Variants in RNFT1 observed in about 807,000 individuals in gnomAD.
RNFT1 encodes the protein E3 ubiquitin-protein ligase RNFT1.
In RNFT1, 35 loss-of-function variants were observed where a neutral mutation model predicts 53.2. The ratio of observed to expected loss-of-function variants is 0.66; its 90% CI spans 0.50 to 0.87. RNFT1 has a LOEUF of 0.87. Among genes scored for constraint, RNFT1 ranks in the 40% least tolerant of loss-of-function variants. The pLI, the probability that RNFT1 is intolerant of heterozygous loss-of-function variation, is 0.00. For synonymous variants in RNFT1, 141 were observed against 172.8 expected (o/e 0.82, Z 1.44); for missense variants, 421 against 515.0 (o/e 0.82, Z 1.77).
chr17:59,963,275 C>T lies in RNFT1; in HGVS notation c.66G>A (p.Arg22=), dbSNP rs1450224268. The change falls in exon 2 of 9, where the codon AGG becomes AGA. Residue 22 remains arginine, a synonymous_variant. Coordinates refer to ENST00000305783, the MANE Select transcript of RNFT1 (RefSeq NM_016125.4). ...PSASGHERRQ[R]PEAKTSGSEK... The stretch of plus-strand genomic sequence containing the variant: ...CTGACCCAGATGTCTTTGCTTCAGG[C>T]CTCTGTCTCCTAAAAAATCAAATAA... 4 of 1,601,448 alleles carry T rather than the reference C, an allele frequency of 2.5e-6. No individual in the cohort carries two copies. The East Asian group carries it at 6.7e-5, about 27-fold the overall frequency.
chr17:59,955,665 ACT>A, intron 7 of RNFT1, among the ~76,000 whole-genome samples: 1 of 152,240 alleles, frequency 6.6e-6, no homozygotes, highest in African/African-American at 2.4e-5. Flanking sequence ...TACATTGCTA[ACT>A]CTATCTTAGG....
chr17:59,964,669 G>A lies in RNFT1; in HGVS notation c.-6C>T. The stretch of plus-strand genomic sequence containing the variant: ...GACAGCAAGAACAGCGGCATACACC[G>A]CCTCCAGCCCTTCAGTCGGGGCCAT... On this transcript the variant is annotated 5_prime_UTR_variant, in exon 1 of 9. Transcript: ENST00000305783. 6.2e-7 allele frequency: 1 copy of A among 1,603,924 alleles called. No individual in the cohort carries two copies. Among genetic ancestry groups the A allele is most frequent in the African/African-American group, 1.3e-5 (1 of 74,678 alleles).
chr17:59,957,461 C>T, intron 5 of RNFT1, 79 bp from the exon 6 acceptor site: 1 of 961,036 alleles, frequency 1.0e-6, no homozygotes, highest in Non-Finnish European at 1.6e-6. Context: ...ACTGAGAACA[C>T]TGAGTATATT....
rs752800880 is a variant in RNFT1 at position 59,964,712 on chromosome 17, A to G, written c.-49T>C. ...GGGGCCATCAACCGCAAACCCCGCA[A>G]GCTCTTCTCTCAGCCCGGCGGCAAC... On this transcript the variant is annotated 5_prime_UTR_variant, in exon 1 of 9. Transcript: ENST00000305783. 7 of 1,548,680 alleles carry G rather than the reference A, an allele frequency of 4.5e-6. No individual in the cohort carries two copies. The African/African-American group carries it at 8.3e-5, about 18-fold the overall frequency.
chr17:59,958,841 C>T (rs1293180995), intron 4 of RNFT1: 1 of 317,068 alleles, frequency 3.2e-6, no homozygotes, highest in Non-Finnish European at 6.1e-6. Flanking sequence ...ATTTCAAGGT[C>T]ACTCTCTTTT....
Position 59,964,678 on chromosome 17 carries a change from C to A in RNFT1, c.-15G>T. On this transcript the variant is annotated 5_prime_UTR_variant, in exon 1 of 9. Transcript: ENST00000305783. Reference sequence around the variant, plus strand: ...AACAGCGGCATACACCGCCTCCAGCCCTTCAGTCGGGGCCATCAACCGCAA... The same window carrying A: ...AACAGCGGCATACACCGCCTCCAGCACTTCAGTCGGGGCCATCAACCGCAA... 1 of 1,599,420 alleles carries A rather than the reference C, an allele frequency of 6.3e-7. No homozygotes were observed. Among genetic ancestry groups the A allele is most frequent in the East Asian group, 2.3e-5 (1 of 43,900 alleles).
intron 7 of RNFT1, among the ~76,000 whole-genome samples, chr17:59,955,936 T>C (rs2045251618): frequency 6.6e-6 from 1 of 152,166 alleles, no homozygotes; most frequent in African/African-American, 2.4e-5. Context: ...AATCACACAA[T>C]AATGTTATAA....
rs1455480719 is a variant in RNFT1, at chr17:59,952,386, T to C, written c.*591A>G. 3 of 152,238 alleles carry C rather than the reference T, an allele frequency of 2.0e-5. No individual in the cohort carries two copies. The highest frequency in any genetic ancestry group is 2.9e-5 in the Non-Finnish European group (2 of 68,042). The allele number at this position is 152,238 out of a possible 1,614,324, so 9.4% of individuals were successfully genotyped here. A position where few individuals can be genotyped will look rare whatever the true frequency, so the allele number is the denominator to read the frequency against. On this transcript the variant is annotated 3_prime_UTR_variant, in exon 9 of 9. Coordinates refer to ENST00000305783, the MANE Select transcript of RNFT1 (RefSeq NM_016125.4). ...ATGAATTTAAATCATTTATTTTCACTTATTACTAATCTTACTACAGAGAAT... is the reference window on the plus strand; with the variant it reads ...ATGAATTTAAATCATTTATTTTCACCTATTACTAATCTTACTACAGAGAAT...
At chr17:59,960,770 G>A (rs2045285778) in intron 3 of RNFT1, among the ~76,000 whole-genome samples, 1 of 151,834 alleles carries the variant, frequency 6.6e-6, no homozygotes, top group Non-Finnish European at 1.5e-5. Context: ...CCAAGATCAC[G>A]CCACTGCACT....
At chr17:59,962,480 T>C (rs1376399056) in intron 3 of RNFT1, 60 bp downstream of exon 3, 2 of 1,122,504 alleles carry the variant, frequency 1.8e-6, no homozygotes, top group African/African-American at 3.1e-5. Flanking sequence ...CTCAAAATTA[T>C]TTCTCTAAAA....
At position 59,953,039 on chromosome 17, in the gene RNFT1, T is replaced by C; in HGVS notation, c.1246A>G (p.Ile416Val). 1 of 1,613,306 alleles carries C rather than the reference T, an allele frequency of 6.2e-7. No homozygotes were observed. Among genetic ancestry groups the C allele is most frequent in the Non-Finnish European group, 8.5e-7 (1 of 1,179,354 alleles). The change falls in exon 9 of 9, where the codon ATT (isoleucine) becomes GTT (valine). Residue 416 changes from isoleucine (I) to valine (V), a missense_variant. Ile to Val is a conservative substitution (Grantham distance 29, BLOSUM62 3). Transcript: ENST00000305783. ...EKTCPLCRTVISDHINKWKDG... is the reference protein window; with the variant it reads ...EKTCPLCRTVVSDHINKWKDG... The stretch of plus-strand genomic sequence containing the variant: ...TTCCATTTGTTTATATGGTCTGAAA[T>C]CACAGTTCTGCAGAGTGGACATGTT...
chr17:59,964,556 G>A lies in RNFT1; in HGVS notation c.56+52C>T, dbSNP rs1040174897. 5.2e-6 allele frequency: 8 copies of A among 1,542,506 alleles called. No individual in the cohort carries two copies. The Admixed American group carries it at 1.4e-4, about 26-fold the overall frequency. On this transcript the variant is annotated intron_variant, in intron 1 of 8. Coordinates refer to ENST00000305783, the MANE Select transcript of RNFT1 (RefSeq NM_016125.4). ...GTGCCTATTCTCCCCAGAGCCCCCTGCGCCGCGGCCCCTCGCCGCCTCCTC... is the reference window on the plus strand; with the variant it reads ...GTGCCTATTCTCCCCAGAGCCCCCTACGCCGCGGCCCCTCGCCGCCTCCTC...
chr17:59,953,190 C>CTTT (rs34068842), intron 8 of RNFT1, 79 bp from the exon 9 acceptor site: 27 of 775,746 alleles, frequency 3.5e-5, no homozygotes, highest in African/African-American at 4.0e-5. Context: ...GAAAGGGATT[C>CTTT]TTTTTTTTTT....
At chr17:59,953,171 G>A in intron 8 of RNFT1, 60 bp from the exon 9 acceptor site, 2 of 1,257,498 alleles carry the variant, frequency 1.6e-6, no homozygotes, top group Non-Finnish European at 2.2e-6. Flanking sequence ...CCATCACATT[G>A]TAGGGAATGA....
intron 4 of RNFT1, chr17:59,959,830 A>C: frequency 4.3e-6 from 1 of 231,074 alleles, no homozygotes; most frequent in Non-Finnish European, 8.7e-6. Context: ...GAATTGCTTG[A>C]ACCTGAGAGG....
chr17:59,958,733 C>A (rs1249153098), intron 4 of RNFT1: 3 of 473,474 alleles, frequency 6.3e-6, no homozygotes, highest in Non-Finnish European at 1.2e-5. Context: ...CAATACCAGA[C>A]ATCTGCTGTG....
intron 3 of RNFT1, among the ~76,000 whole-genome samples, chr17:59,962,010 C>T (rs780547372): frequency 2.0e-5 from 3 of 151,912 alleles, no homozygotes; most frequent in African/African-American, 4.8e-5. Context: ...CTCAGCCTCC[C>T]GAGTAGCTGG....
Position 59,963,286 on chromosome 17 carries a change from TA to T in RNFT1, c.57-3del. 6.3e-7 allele frequency: 1 copy of T among 1,596,436 alleles called. No individual in the cohort carries two copies. On this transcript the variant is annotated splice_region_variant and splice_polypyrimidine_tract_variant and intron_variant, in intron 1 of 8. Coordinates refer to ENST00000305783, the MANE Select transcript of RNFT1 (RefSeq NM_016125.4). ...GTCTTTGCTTCAGGCCTCTGTCTCC[TA>T]AAAAATCAAATAAAAGATATTCTAA... is the stretch of plus-strand genomic sequence containing the variant.
chr17:59,957,162 T>A (rs2045258879), intron 6 of RNFT1, 62 bp downstream of exon 6: 2 of 1,475,294 alleles, frequency 1.4e-6, no homozygotes, highest in Non-Finnish European at 1.9e-6. Context: ...AGGAAAACAG[T>A]AGTATGTATC....
Sources: allele counts gnomAD v4.1 joint callset (sites outside exome capture counted in the v4.1 genomes callset), GRCh38; gene constraint gnomAD v4.1.1; transcripts MANE v1.5; gene names NCBI Gene and HGNC (gene_info 2026-07-23, HGNC 2026-07-21).